NKIRAS1: variants seen among roughly 807,000 people sequenced by gnomAD.
The protein encoded by NKIRAS1 is NF-kappa-B inhibitor-interacting Ras-like protein 1.
A neutral mutation model predicts 19.8 loss-of-function variants in NKIRAS1; 16 were observed. The ratio of observed to expected loss-of-function variants is 0.81; its 90% CI spans 0.55 to 1.23. The LOEUF is 1.23. Ranked by LOEUF, NKIRAS1 falls within the 50% of genes most tolerant of loss-of-function variation. NKIRAS1 has a pLI of 0.00. For missense variants in NKIRAS1, 184 were observed against 220.0 expected, an observed-to-expected ratio of 0.84 and a Z score of 1.04; for synonymous variants, 88 against 79.0, an observed-to-expected ratio of 1.11 and a Z score of -0.61.
chr3:23,904,335 T>C (rs1346829152), intron 3 of NKIRAS1, among the ~76,000 whole-genome samples: 4 of 152,264 alleles, frequency 2.6e-5, no homozygotes, highest in Middle Eastern at 6.8e-3. Flanking sequence ...GTAGGTCTGG[T>C]GTGTTGTTAT....
intron 1 of NKIRAS1, among the ~76,000 whole-genome samples, chr3:23,941,054 G>A (rs1254636921): frequency 6.6e-6 from 1 of 152,214 alleles, no homozygotes; most frequent in African/African-American, 2.4e-5. Context: ...TAAGAGTGCA[G>A]AGTTCTGAGA....
intron 1 of NKIRAS1, among the ~76,000 whole-genome samples, chr3:23,931,733 AG>A (rs1559515838): frequency 3.4e-4 from 52 of 150,988 alleles, no homozygotes; most frequent in South Asian, 8.4e-4. Flanking sequence ...AGAGAGAGAG[AG>A]AGAAAGAAAG....
intron 4 of NKIRAS1, among the ~76,000 whole-genome samples, chr3:23,899,271 A>T (rs1370577191): frequency 6.6e-6 from 1 of 152,186 alleles, no homozygotes; most frequent in Non-Finnish European, 1.5e-5. Flanking sequence ...CAACACAAAT[A>T]CGGTGGTTAT....
chr3:23,927,169 C>A lies in NKIRAS1; in HGVS notation c.-139-15719G>T, dbSNP rs544771740. On this transcript the variant is annotated intron_variant, in intron 1 of 4. Coordinates refer to the NKIRAS1 transcript ENST00000421515. The surrounding 1 kb of genome is among the most constrained non-coding windows in gnomAD (Gnocchi z 4.0). The stretch of plus-strand genomic sequence containing the variant: ...CCTATTTTTATATAAGAAAAATAAA[C>A]TGAAAATAAAGCCTTTTAGTATAAA... Among the ~76,000 whole-genome samples, 51 of 152,228 alleles carry A rather than the reference C, an allele frequency of 3.4e-4. 1 individual carries two copies. The South Asian group carries it at 7.5e-3, about 22-fold the overall frequency.
intron 1 of NKIRAS1, among the ~76,000 whole-genome samples, chr3:23,928,392 G>A (rs1705247003): frequency 6.6e-6 from 1 of 151,696 alleles, no homozygotes; most frequent in African/African-American, 2.4e-5. Context: ...ATAACTCTTT[G>A]GTGAACTGAC....
chr3:23,917,702 G>T (rs1704718787), upstream of NKIRAS1: 2 of 749,492 alleles, frequency 2.7e-6, no homozygotes, highest in African/African-American at 1.8e-5. Context: ...AGTGGTGGGG[G>T]TTGGGCTAGC....
chr3:23,939,470 C>T (rs533798254), intron 1 of NKIRAS1, among the ~76,000 whole-genome samples: 3 of 152,286 alleles, frequency 2.0e-5, no homozygotes, highest in Admixed American at 6.5e-5. Flanking sequence ...AGGCCAGGAA[C>T]GGTGGCTCAT....
At chr3:23,908,403 C>T (rs1182680187) in intron 3 of NKIRAS1, among the ~76,000 whole-genome samples, 1 of 152,194 alleles carries the variant, frequency 6.6e-6, no homozygotes, top group Non-Finnish European at 1.5e-5. Flanking sequence ...AAGTATTCCT[C>T]CTACCTTTTC....
chr3:23,935,524 T>C (rs544536674), intron 1 of NKIRAS1, among the ~76,000 whole-genome samples: 17 of 152,272 alleles, frequency 1.1e-4, no homozygotes, highest in South Asian at 6.2e-4. Flanking sequence ...TAGGCTCAAG[T>C]AATCCTCCAA....
Position 23,910,688 on chromosome 3 carries a change from T to C in NKIRAS1, c.94+123A>G, listed in dbSNP as rs186174646. 5.0e-4 allele frequency: 342 copies of C among 681,166 alleles called. 3 individuals carry two copies. In the East Asian group the frequency reaches 8.1e-3, roughly 16 times the overall value. 42.2% of individuals were successfully genotyped at this position (681,166 alleles called of 1,614,324 possible). On this transcript the variant is annotated intron_variant, in intron 3 of 4. Transcript: ENST00000425478. ...CTCTTTTCTTACCTCTTAATCTCTT[T>C]TGGTCCCTCTGGATTATACCTCCCC...
At chr3:23,923,987 G>C (rs770688319) in intron 1 of NKIRAS1, 2 of 152,128 alleles carry the variant, frequency 1.3e-5, no homozygotes, top group African/African-American at 4.8e-5. Flanking sequence ...TGTTTTCCTG[G>C]CCTCTCATGC....
intron 3 of NKIRAS1, among the ~76,000 whole-genome samples, chr3:23,902,982 C>T (rs1006186362): frequency 3.3e-5 from 5 of 152,206 alleles, no homozygotes; most frequent in African/African-American, 7.2e-5. Context: ...ATCTGGCCAA[C>T]GGAAAAGGAA....
chr3:23,912,935 G>A lies in NKIRAS1; in HGVS notation c.-139-1485C>T, dbSNP rs1055794529. On this transcript the variant is annotated intron_variant, in intron 1 of 4. Transcript: ENST00000425478. ...AGATTGAGACCATCCTGGCTAACAT[G>A]GTGAAACCGTCTCTACTAAAAATAC... Among the ~76,000 whole-genome samples the A allele has an allele frequency of 1.2e-4, 18 of 151,292 alleles. 1 individual carries two copies. Among genetic ancestry groups the A allele is most frequent in the Admixed American group, 7.9e-4 (12 of 15,152 alleles).
intron 1 of NKIRAS1, among the ~76,000 whole-genome samples, 169 bp from the exon 2 acceptor site, chr3:23,911,619 T>C (rs1464713137): frequency 6.6e-6 from 1 of 152,196 alleles, no homozygotes; most frequent in East Asian, 1.9e-4. Context: ...AATATTTACC[T>C]GGAAAAATAA....
intron 1 of NKIRAS1, among the ~76,000 whole-genome samples, chr3:23,932,747 G>A (rs181402402): frequency 1.3e-4 from 20 of 150,690 alleles, no homozygotes; most frequent in African/African-American, 3.9e-4. Flanking sequence ...TGGCAGAGAA[G>A]ATTGCTGGTG....
chr3:23,893,350 G>A lies in NKIRAS1; in HGVS notation c.337-13C>T, dbSNP rs1368381920. On this transcript the variant is annotated splice_polypyrimidine_tract_variant and intron_variant, in intron 4 of 4. Coordinates refer to ENST00000425478, the MANE Select transcript of NKIRAS1 (RefSeq NM_020345.4). ...CCACAATTGCTACCTGAAAGAAAAC[G>A]GATTGAAAAGATCATACTAGTACTT... 24 of 1,610,346 alleles carry A rather than the reference G, an allele frequency of 1.5e-5. No homozygotes were observed. In the African/African-American group the frequency reaches 1.6e-4, roughly 11 times the overall value.
intron 3 of NKIRAS1, among the ~76,000 whole-genome samples, chr3:23,905,067 G>A (rs1702893057): frequency 6.6e-6 from 1 of 152,140 alleles, no homozygotes; most frequent in Non-Finnish European, 1.5e-5. Context: ...GGGCTCAAGT[G>A]ATCTTCCCAC....
chr3:23,910,102 C>T (rs1280885968), intron 3 of NKIRAS1, among the ~76,000 whole-genome samples: 2 of 150,232 alleles, frequency 1.3e-5, no homozygotes, highest in African/African-American at 4.9e-5. Flanking sequence ...CATGATCTGC[C>T]TGCCTCGGCC....
At chr3:23,894,385 C>T (rs201773343) in intron 4 of NKIRAS1, among the ~76,000 whole-genome samples, 15 of 152,186 alleles carry the variant, frequency 9.9e-5, no homozygotes, top group Admixed American at 3.3e-4. Flanking sequence ...GCTTGAGCTC[C>T]CTGTGCTCCA....
Sources: allele counts gnomAD v4.1 joint callset (sites outside exome capture counted in the v4.1 genomes callset), GRCh38; gene constraint gnomAD v4.1.1; non-coding constraint Gnocchi (gnomAD v3.1); transcripts MANE v1.5; gene names NCBI Gene and HGNC (gene_info 2026-07-23, HGNC 2026-07-21).